CHST9: variants seen among roughly 807,000 people sequenced by gnomAD.
CHST9 encodes carbohydrate sulfotransferase 9, also known as GalNAc-4-sulfotransferase 2.
In CHST9, 41 loss-of-function variants were observed where a neutral mutation model predicts 44.4. That is an observed-to-expected ratio of 0.92 (90% CI 0.72 to 1.20). The LOEUF (loss-of-function observed/expected upper bound fraction) is 1.20. CHST9 is among the 50% of genes most tolerant of loss of function. CHST9 has a pLI of 0.00. For synonymous variants in CHST9, 171 were observed against 178.4 expected, an observed-to-expected ratio of 0.96 and a Z score of 0.33; for missense variants, 504 against 516.5, an observed-to-expected ratio of 0.98 and a Z score of 0.23.
intron 4 of CHST9, among the ~76,000 whole-genome samples, chr18:27,023,285 T>A (rs2057246638): frequency 6.6e-6 from 1 of 152,214 alleles, no homozygotes. Context: ...TATTTATAAA[T>A]TTTTAAGATA....
intron 2 of CHST9, among the ~76,000 whole-genome samples, chr18:27,109,200 G>C (rs558401726): frequency 6.6e-6 from 1 of 152,240 alleles, no homozygotes; most frequent in Non-Finnish European, 1.5e-5. Flanking sequence ...GCAATATCAA[G>C]AATTCATGCC....
At chr18:27,095,563 G>A (rs192133764) in intron 2 of CHST9, among the ~76,000 whole-genome samples, 1 of 152,050 alleles carries the variant, frequency 6.6e-6, no homozygotes, top group African/African-American at 2.4e-5. Flanking sequence ...ACATAATGAC[G>A]CCAATAGGCT....
intron 4 of CHST9, among the ~76,000 whole-genome samples, chr18:26,958,458 CA>C (rs111675236): frequency 1.2e-3 from 144 of 123,552 alleles, no homozygotes; most frequent in African/African-American, 2.5e-3. Context: ...AAAGTAACTG[CA>C]AAAAAAAAAA....
chr18:27,127,794 G>A (rs28592609), intron 2 of CHST9, among the ~76,000 whole-genome samples: 1,606 of 152,256 alleles, frequency 0.011, 24 homozygotes, highest in African/African-American at 0.034. Flanking sequence ...GATGTGAGTA[G>A]AAGAATAAGG....
intron 3 of CHST9, among the ~76,000 whole-genome samples, chr18:27,028,761 G>A (rs2057309738): frequency 6.6e-6 from 1 of 151,982 alleles, no homozygotes; most frequent in Non-Finnish European, 1.5e-5. Flanking sequence ...TGTTAGCCAG[G>A]ATGGTCTCAA....
intron 4 of CHST9, among the ~76,000 whole-genome samples, chr18:26,954,703 G>T (rs540577872): frequency 2.6e-5 from 4 of 152,034 alleles, no homozygotes; most frequent in South Asian, 2.1e-4. Flanking sequence ...GTTCTTCCCT[G>T]GTCACCCCAT....
At chr18:26,947,463 C>A (rs975088106) in intron 4 of CHST9, among the ~76,000 whole-genome samples, 6 of 152,152 alleles carry the variant, frequency 3.9e-5, no homozygotes, top group Admixed American at 1.3e-4. Flanking sequence ...TCAGAGTGAA[C>A]AGGCAACCTA....
In CHST9 at chr18:26,916,728, G is replaced by C. The variant is rs751346125; in HGVS notation, c.863C>G (p.Ser288Ter). The C allele has an allele frequency of 2.5e-6, 4 of 1,613,898 alleles. No homozygotes were observed. Among genetic ancestry groups the C allele is most frequent in the African/African-American group, 2.7e-5 (2 of 75,034 alleles). The change falls in exon 6 of 6, where the codon TCA becomes TGA. Residue 288 changes from serine (S) to a stop codon, truncating the protein, a stop_gained. Transcript: ENST00000618847. LOFTEE classifies it high-confidence loss of function. ...GTGTTCAAATTTGTCCCTAAAGGCT[G>C]ATACTAATCTTTCCATGGGATCACG... ...FVRDPMERLV[S>*]AFRDKFEHPN...
intron 2 of CHST9, among the ~76,000 whole-genome samples, chr18:27,116,203 C>A (rs1400045835): frequency 6.6e-6 from 1 of 151,996 alleles, no homozygotes; most frequent in Non-Finnish European, 1.5e-5. Context: ...TTAAGGAACC[C>A]ATTGTCATGA....
intron 1 of CHST9, among the ~76,000 whole-genome samples, chr18:27,174,608 C>A (rs141677471): frequency 3.9e-5 from 6 of 151,902 alleles, no homozygotes; most frequent in Admixed American, 6.6e-5. Context: ...CAACCATTCA[C>A]CCAATGGCAG....
In CHST9 at chr18:27,027,844, T is replaced by TC. The variant is rs138739493; in HGVS notation, c.161-3688dup. 4.7e-3 allele frequency among the ~76,000 whole-genome samples: 710 copies of TC among 152,324 alleles called. 6 individuals carry two copies. Among genetic ancestry groups the TC allele is most frequent in the African/African-American group, 0.016 (670 of 41,582 alleles). ...CAGAATCCTTTTAGATTTAAGTTTT[T>TC]CCCCAATATTTTACCACTATCTAGC... On this transcript the variant is annotated intron_variant, in intron 3 of 5. Transcript: ENST00000618847.
intron 4 of CHST9, among the ~76,000 whole-genome samples, chr18:26,969,764 G>A (rs1022634805): frequency 2.0e-5 from 3 of 152,154 alleles, no homozygotes; most frequent in Non-Finnish European, 4.4e-5. Flanking sequence ...TAAGTTATTT[G>A]GGGAAGATTT....
intron 4 of CHST9, among the ~76,000 whole-genome samples, chr18:26,950,171 C>T (rs1379157111): frequency 3.3e-5 from 5 of 152,214 alleles, no homozygotes; most frequent in African/African-American, 1.2e-4. Context: ...GAGGAAAGCA[C>T]ACTGCTGCTG....
chr18:27,029,475 G>A (rs1444457853), intron 3 of CHST9, among the ~76,000 whole-genome samples: 1 of 152,068 alleles, frequency 6.6e-6, no homozygotes, highest in African/African-American at 2.4e-5. Flanking sequence ...TAAAGCTTAA[G>A]GAAATTTGTG....
At chr18:27,126,807 G>C (rs751090455) in intron 2 of CHST9, among the ~76,000 whole-genome samples, 8 of 152,146 alleles carry the variant, frequency 5.3e-5, no homozygotes, top group Admixed American at 2.0e-4. Flanking sequence ...CAAGGTCACG[G>C]GATGGGGAGG....
At chr18:27,073,780 C>T (rs1364520671) in intron 2 of CHST9, among the ~76,000 whole-genome samples, 1 of 152,000 alleles carries the variant, frequency 6.6e-6, no homozygotes, top group Non-Finnish European at 1.5e-5. Flanking sequence ...TTCAGTACCT[C>T]TTTAAACAGT....
Position 27,125,552 on chromosome 18 carries a change from C to G in CHST9, c.121+17137G>C, listed in dbSNP as rs563577628. ...AACCATTTTTCATATTAACTTTTCC[C>G]CTTCTCAATTTTTTTAAGAATTAAT... On this transcript the variant is annotated intron_variant, in intron 2 of 5. Coordinates refer to ENST00000618847, the MANE Select transcript of CHST9 (RefSeq NM_031422.6). Among the ~76,000 whole-genome samples, 9 of 152,270 alleles carry G rather than the reference C, an allele frequency of 5.9e-5. No individual in the cohort carries two copies. In the East Asian group the frequency reaches 1.7e-3, roughly 29 times the overall value.
intron 4 of CHST9, among the ~76,000 whole-genome samples, chr18:27,010,251 A>C (rs936863676): frequency 2.6e-5 from 4 of 152,120 alleles, no homozygotes; most frequent in African/African-American, 9.7e-5. Context: ...GACTTAAGGG[A>C]GGTCACTCTC....
chr18:26,974,793 C>G (rs1359959038), intron 4 of CHST9, among the ~76,000 whole-genome samples: 1 of 152,036 alleles, frequency 6.6e-6, no homozygotes, highest in African/African-American at 2.4e-5. Flanking sequence ...CCTGCCTCAG[C>G]CTCCCGAGGA....
Sources: allele counts gnomAD v4.1 joint callset (sites outside exome capture counted in the v4.1 genomes callset), GRCh38; gene constraint gnomAD v4.1.1; transcripts MANE v1.5; gene names NCBI Gene and HGNC (gene_info 2026-07-23, HGNC 2026-07-21).